CFAP20DC: variants seen among roughly 807,000 people sequenced by gnomAD.
CFAP20DC encodes protein CFAP20DC.
CFAP20DC carries 84 observed loss-of-function variants against 101.7 expected under a neutral mutation model. That is an observed-to-expected ratio of 0.83 (90% CI 0.69 to 0.99). CFAP20DC has a LOEUF of 0.99. Among genes scored for constraint, CFAP20DC ranks in the 50% least tolerant of loss-of-function variants. The pLI, the probability that CFAP20DC is intolerant of heterozygous loss-of-function variation, is 0.00. For missense variants in CFAP20DC, 1,007 were observed against 970.3 expected (o/e 1.04, Z -0.50); for synonymous variants, 359 against 351.2 (o/e 1.02, Z -0.25).
intron 4 of CFAP20DC, among the ~76,000 whole-genome samples, chr3:59,023,632 A>G (rs1437189620): frequency 6.6e-6 from 1 of 152,106 alleles, no homozygotes; most frequent in African/African-American, 2.4e-5. Flanking sequence ...GTGACCACCA[A>G]CTTTGTGGGG....
intron 4 of CFAP20DC, among the ~76,000 whole-genome samples, chr3:58,980,375 T>C (rs2092477109): frequency 6.6e-6 from 1 of 152,190 alleles, no homozygotes; most frequent in African/African-American, 2.4e-5. Flanking sequence ...ATCATCCTGA[T>C]ACCAAAGGAC....
chr3:58,870,874 G>A (rs1288060600), intron 7 of CFAP20DC, among the ~76,000 whole-genome samples: 3 of 102,180 alleles, frequency 2.9e-5, no homozygotes, highest in East Asian at 3.3e-4. Context: ...CGGCCTGGGC[G>A]ACAGAGCGAG....
At position 58,964,936 on chromosome 3, in the gene CFAP20DC, G is replaced by T. The variant is rs1485272233; in HGVS notation, c.279-27174C>A. ...CCACTACTGAAATATTTTCTAAAAAGGTTCTGCCCAACCTACTACTCACAT... is the reference window on the plus strand; with the variant it reads ...CCACTACTGAAATATTTTCTAAAAATGTTCTGCCCAACCTACTACTCACAT... On this transcript the variant is annotated intron_variant, in intron 4 of 16. Coordinates refer to ENST00000482387, the MANE Select transcript of CFAP20DC (RefSeq NM_001394063.1). This position sits in a 1 kb window ranked among gnomAD's most constrained non-coding sequence, Gnocchi z 4.1. 1.3e-5 allele frequency among the ~76,000 whole-genome samples: 2 copies of T among 152,106 alleles called. No homozygotes were observed. The highest frequency in any genetic ancestry group is 2.9e-5 in the Non-Finnish European group (2 of 68,016).
At chr3:58,805,385 C>T (rs185160563) in intron 15 of CFAP20DC, among the ~76,000 whole-genome samples, 148 of 152,330 alleles carry the variant, frequency 9.7e-4, no homozygotes, top group African/African-American at 3.4e-3. Flanking sequence ...TGAGGCCTGG[C>T]GGCCTTTGGG....
rs1382347507 is a variant in CFAP20DC, at chr3:58,980,575, G to C, written c.279-42813C>G. ...TATACACAAATCAATAAATGTAATT[G>C]AGCATATAAACAGAACCAAAGACAA... On this transcript the variant is annotated intron_variant, in intron 4 of 16. Transcript: ENST00000482387. Among the ~76,000 whole-genome samples, 56 of 152,204 alleles carry C rather than the reference G, an allele frequency of 3.7e-4. 1 individual carries two copies. Among genetic ancestry groups the C allele is most frequent in the Middle Eastern group, 3.4e-3 (1 of 294 alleles).
intron 5 of CFAP20DC, among the ~76,000 whole-genome samples, chr3:58,925,761 TC>T (rs1044418273): frequency 7.2e-5 from 11 of 152,264 alleles, no homozygotes; most frequent in African/African-American, 2.6e-4. Flanking sequence ...ATCAGAGAGA[TC>T]AACTGATTTG....
At chr3:58,836,179 G>A (rs1451842572) in intron 13 of CFAP20DC, among the ~76,000 whole-genome samples, 1 of 152,102 alleles carries the variant, frequency 6.6e-6, no homozygotes, top group Non-Finnish European at 1.5e-5. Context: ...ATATGGCCTT[G>A]CTTTCATAAA....
chr3:58,720,707 C>A (rs2067460995), intron 3 of CFAP20DC, among the ~76,000 whole-genome samples: 1 of 152,142 alleles, frequency 6.6e-6, no homozygotes. Context: ...ATGTGCCTTT[C>A]CTCTTTAAGC....
At chr3:58,929,069 C>T (rs1485562865) in intron 5 of CFAP20DC, among the ~76,000 whole-genome samples, 1 of 152,162 alleles carries the variant, frequency 6.6e-6, no homozygotes, top group Non-Finnish European at 1.5e-5. Context: ...TATGTCATTA[C>T]ACACCCAGCA....
intron 6 of CFAP20DC, among the ~76,000 whole-genome samples, chr3:58,885,067 C>T (rs2108657330): frequency 6.6e-6 from 1 of 152,200 alleles, no homozygotes; most frequent in African/African-American, 2.4e-5. Flanking sequence ...GGGAGTACAT[C>T]AGCTTATTTA....
At chr3:58,924,238 C>T (rs1322918218) in intron 5 of CFAP20DC, among the ~76,000 whole-genome samples, 1 of 152,042 alleles carries the variant, frequency 6.6e-6, no homozygotes, top group Non-Finnish European at 1.5e-5. Context: ...CTTCTAGCCT[C>T]CCCCGACTTT....
intron 15 of CFAP20DC, among the ~76,000 whole-genome samples, chr3:58,772,292 GA>G (rs567917755): frequency 4.6e-5 from 7 of 152,146 alleles, no homozygotes; most frequent in Non-Finnish European, 8.8e-5. Flanking sequence ...CATGGTCCCA[GA>G]AAAGTAGGCA....
intron 4 of CFAP20DC, among the ~76,000 whole-genome samples, chr3:58,966,674 C>T (rs2091565581): frequency 6.6e-6 from 1 of 151,648 alleles, no homozygotes. Flanking sequence ...CAGGTGCCCA[C>T]CACCATGCCT....
Position 58,863,163 on chromosome 3 carries a change from A to C in CFAP20DC, c.1593+395T>G. ...TGGCAGGGGAGTAAGGAAGCCAGAA[A>C]ACCATCAATTTAGAATGCTTAGCAA... On this transcript the variant is annotated intron_variant, in intron 12 of 16. Coordinates refer to ENST00000482387, the MANE Select transcript of CFAP20DC (RefSeq NM_001394063.1). This position sits in a 1 kb window ranked among gnomAD's most constrained non-coding sequence, Gnocchi z 5.9. 3 of 1,093,686 alleles carry C rather than the reference A, an allele frequency of 2.7e-6. No homozygotes were observed. Among genetic ancestry groups the C allele is most frequent in the Non-Finnish European group, 3.3e-6 (3 of 901,510 alleles). The allele number at this position is 1,093,686 out of a possible 1,614,324, so 67.7% of individuals were successfully genotyped here.
intron 3 of CFAP20DC, among the ~76,000 whole-genome samples, chr3:58,734,048 C>T (rs1157384438): frequency 6.6e-6 from 1 of 152,070 alleles, no homozygotes; most frequent in East Asian, 1.9e-4. Context: ...GGGCAGATTT[C>T]CCCTATGCTG....
At position 58,788,977 on chromosome 3, in the gene CFAP20DC, C is replaced by A. The variant is rs115459600; in HGVS notation, c.2237+17418G>T. Among the ~76,000 whole-genome samples, 3,190 of 152,150 alleles carry A rather than the reference C, an allele frequency of 0.021. 121 individuals are homozygous for A. The highest frequency in any genetic ancestry group is 0.072 in the African/African-American group (2,982 of 41,488). ...ATCTGTGTCATAATTTGTAAGGGAA[C>A]CCATATAGTTCAAACCCATGTTGTT... On this transcript the variant is annotated intron_variant, in intron 15 of 16. Coordinates refer to ENST00000482387, the MANE Select transcript of CFAP20DC (RefSeq NM_001394063.1). The surrounding 1 kb of genome is among the most constrained non-coding windows in gnomAD (Gnocchi z 4.2).
At chr3:58,829,790 G>A (rs1259762370) in intron 14 of CFAP20DC, among the ~76,000 whole-genome samples, 1 of 152,078 alleles carries the variant, frequency 6.6e-6, no homozygotes, top group African/African-American at 2.4e-5. Flanking sequence ...CTGTATCCAG[G>A]GCAACCAAGA....
chr3:58,997,288 C>A (rs919685665), intron 4 of CFAP20DC, among the ~76,000 whole-genome samples: 1 of 152,180 alleles, frequency 6.6e-6, no homozygotes, highest in Non-Finnish European at 1.5e-5. Flanking sequence ...ATATTATTAT[C>A]TCTACCCTAT....
chr3:58,942,515 G>A (rs1424858818), intron 4 of CFAP20DC, among the ~76,000 whole-genome samples: 1 of 152,206 alleles, frequency 6.6e-6, no homozygotes, highest in Non-Finnish European at 1.5e-5. Context: ...GTGAGGGACT[G>A]TGCCATGAGG....
Sources: allele counts gnomAD v4.1 joint callset (sites outside exome capture counted in the v4.1 genomes callset), GRCh38; gene constraint gnomAD v4.1.1; non-coding constraint Gnocchi (gnomAD v3.1); transcripts MANE v1.5; gene names NCBI Gene and HGNC (gene_info 2026-07-23, HGNC 2026-07-21).